Variants in AMOTL1 observed in about 807,000 individuals in gnomAD.
AMOTL1 encodes the protein angiomotin-like protein 1.
A neutral mutation model predicts 102.9 loss-of-function variants in AMOTL1; 45 were observed. That is an observed-to-expected ratio of 0.44 (90% CI 0.34 to 0.56). The LOEUF (loss-of-function observed/expected upper bound fraction) is 0.56, where lower values mean the gene tolerates loss of function less well. Among genes scored for constraint, AMOTL1 ranks in the 20% least tolerant of loss-of-function variants. The pLI, the probability that AMOTL1 is intolerant of heterozygous loss-of-function variation, is 0.01. For synonymous variants in AMOTL1, 481 were observed against 484.7 expected (o/e 0.99, Z 0.10); for missense variants, 1,114 against 1,225.6 (o/e 0.91, Z 1.36).
In AMOTL1 at chr11:94,864,842, G is replaced by A. The variant is rs1363998417; in HGVS notation, c.2243G>A (p.Cys748Tyr). 1.2e-6 allele frequency: 2 copies of A among 1,613,788 alleles called. No individual in the cohort carries two copies. Among genetic ancestry groups the A allele is most frequent in the Admixed American group, 1.7e-5 (1 of 60,018 alleles). The change falls in exon 10 of 13, where the codon TGT (cysteine) becomes TAT (tyrosine). Residue 748 changes from cysteine to tyrosine, a missense_variant. By Grantham distance (194) the Cys-to-Tyr change is radical (BLOSUM62 -2). Coordinates refer to ENST00000433060, the MANE Select transcript of AMOTL1 (RefSeq NM_130847.3). ...GAGGTGGTGCAGGCCAACAGAAGGT[G>A]TCAGGACATGGAATACACGTAAGGG... ...EEEVVQANRR[C>Y]QDMEYTIKNL...
intron 1 of AMOTL1, among the ~76,000 whole-genome samples, chr11:94,775,099 C>G (rs186805366): frequency 4.4e-4 from 67 of 152,278 alleles, no homozygotes; most frequent in African/African-American, 1.5e-3. Context: ...GCTTAAATGA[C>G]ATAGTGAATG....
chr11:94,743,490 C>CT (rs1950552805), intron 3 of AMOTL1, among the ~76,000 whole-genome samples: 1 of 152,058 alleles, frequency 6.6e-6, no homozygotes, highest in Non-Finnish European at 1.5e-5. Flanking sequence ...TGGTGCTTTT[C>CT]TTAGACACAC....
At chr11:94,729,743 T>A (rs1197040494) in intron 2 of AMOTL1, among the ~76,000 whole-genome samples, 1 of 152,204 alleles carries the variant, frequency 6.6e-6, no homozygotes, top group Non-Finnish European at 1.5e-5. Flanking sequence ...GTTAATGCAC[T>A]CACAGATGTT....
rs115385794 is a variant in AMOTL1, at chr11:94,801,707, C to T, written c.1121+1396C>T. Among the ~76,000 whole-genome samples, 462 of 152,068 alleles carry T rather than the reference C, an allele frequency of 3.0e-3. 1 individual carries two copies. The highest frequency in any genetic ancestry group is 0.011 in the African/African-American group (453 of 41,454). ...ACAGGGTTTAGGGATTGGTTAGATA[C>T]AGAAATTCTGGAATAGGGATGATGG... On this transcript the variant is annotated intron_variant, in intron 3 of 12. Transcript: ENST00000433060.
chr11:94,800,304 G>C lies in AMOTL1; in HGVS notation c.1114G>C (p.Val372Leu). ...GTACCAGCCACCCCCTGAGTATGGG[G>C]TAACGAGGTGATTATCAACTGCAGA... Reference protein sequence around the residue: ...LRYQPPPEYGVTSRPCQLPFP... With the variant: ...LRYQPPPEYGLTSRPCQLPFP... The change falls in exon 3 of 13, where the codon GTA (valine) becomes CTA (leucine). Residue 372 changes from valine (V) to leucine (L), a missense_variant. Transcript: ENST00000433060. 1 of 1,588,884 alleles carries C rather than the reference G, an allele frequency of 6.3e-7. No homozygotes were observed.
intron 8 of AMOTL1, among the ~76,000 whole-genome samples, 173 bp downstream of exon 8, chr11:94,854,255 G>A (rs903080117): frequency 1.7e-4 from 26 of 152,200 alleles, no homozygotes; most frequent in African/African-American, 6.3e-4. Context: ...CGAGCAGTCC[G>A]CTCACTGGAG....
intron 10 of AMOTL1, among the ~76,000 whole-genome samples, chr11:94,865,382 G>A (rs928008301): frequency 1.3e-5 from 2 of 152,168 alleles, no homozygotes; most frequent in Non-Finnish European, 2.9e-5. Context: ...GGGAGCCCTA[G>A]GCCTCTTATT....
At position 94,785,212 on chromosome 11, in the gene AMOTL1, A is replaced by G. The variant is rs558709216; in HGVS notation, c.50-9799A>G. On this transcript the variant is annotated intron_variant, in intron 1 of 12. Transcript: ENST00000433060. ...ATCCACAAGTTAAGAATATTTCATTACAACTCTCCTAATTTTAATCTAAGA... is the reference window on the plus strand; with the variant it reads ...ATCCACAAGTTAAGAATATTTCATTGCAACTCTCCTAATTTTAATCTAAGA... 3.3e-5 allele frequency among the ~76,000 whole-genome samples: 5 copies of G among 152,334 alleles called. No homozygotes were observed. The South Asian group carries it at 1.0e-3, about 32-fold the overall frequency.
chr11:94,849,131 C>T (rs1004073765), intron 6 of AMOTL1, among the ~76,000 whole-genome samples: 1 of 152,128 alleles, frequency 6.6e-6, no homozygotes, highest in South Asian at 2.1e-4. Context: ...AGTATGCATA[C>T]GGTTTTGTAA....
Position 94,792,214 on chromosome 11 carries a change from G to A in AMOTL1, c.50-2797G>A, listed in dbSNP as rs183711797. Among the ~76,000 whole-genome samples the A allele has an allele frequency of 3.0e-3, 464 of 152,212 alleles. 4 individuals are homozygous for A. The highest frequency in any genetic ancestry group is 0.01 in the African/African-American group (429 of 41,510). ...AAACCATCATTCTGAGCAAACTATC[G>A]CAAGGACAGGAAACCAAACACCACA... On this transcript the variant is annotated intron_variant, in intron 1 of 12. Transcript: ENST00000433060.
intron 6 of AMOTL1, among the ~76,000 whole-genome samples, chr11:94,832,362 T>C (rs1194231913): frequency 1.3e-5 from 2 of 152,244 alleles, no homozygotes; most frequent in African/African-American, 2.4e-5. Flanking sequence ...TGGGGTCTTC[T>C]GATGTGTGGG....
intron 2 of AMOTL1, among the ~76,000 whole-genome samples, chr11:94,734,516 A>G (rs2135465235): frequency 6.6e-6 from 1 of 152,344 alleles, no homozygotes; most frequent in Non-Finnish European, 1.5e-5. Flanking sequence ...ATGAAACCTT[A>G]CTGATAGGCA....
In AMOTL1 at chr11:94,864,807, AGAG is replaced by A. The variant is rs1565387423; in HGVS notation, c.2219_2221del (p.Glu740del). ...GCTCGCTGGAGGCCCACATCTGGCA[AGAG>A]GAGGAGGAGGTGGTGCAGGCCAACA... On this transcript the variant is annotated inframe_deletion, in exon 10 of 13. Transcript: ENST00000433060. 1.2e-6 allele frequency: 2 copies of A among 1,613,834 alleles called. No individual in the cohort carries two copies. Among genetic ancestry groups the A allele is most frequent in the Non-Finnish European group, 1.7e-6 (2 of 1,179,780 alleles).
intron 3 of AMOTL1, among the ~76,000 whole-genome samples, chr11:94,815,547 T>A (rs570640401): frequency 2.5e-4 from 38 of 152,224 alleles, no homozygotes; most frequent in African/African-American, 8.7e-4. Context: ...TAAAGTTACA[T>A]AATACGTATT....
chr11:94,841,968 C>T (rs1952311563), intron 6 of AMOTL1, among the ~76,000 whole-genome samples: 1 of 152,144 alleles, frequency 6.6e-6, no homozygotes, highest in African/African-American at 2.4e-5. Context: ...GCTTTAAACT[C>T]ACTGCGGGTT....
intron 6 of AMOTL1, among the ~76,000 whole-genome samples, chr11:94,834,192 T>A (rs1346018998): frequency 6.6e-6 from 1 of 152,208 alleles, no homozygotes; most frequent in African/African-American, 2.4e-5. Context: ...ACCTAGTGAT[T>A]ATAATTATAA....
At chr11:94,729,869 T>C (rs553461049) in intron 2 of AMOTL1, among the ~76,000 whole-genome samples, 1 of 152,154 alleles carries the variant, frequency 6.6e-6, no homozygotes, top group African/African-American at 2.4e-5. Flanking sequence ...AAGATAGACA[T>C]AGAGAACAAC....
At chr11:94,795,253 C>G in intron 2 of AMOTL1, 93 bp downstream of exon 2, 1 of 1,447,306 alleles carries the variant, frequency 6.9e-7, no homozygotes. Flanking sequence ...TGTTTATTCT[C>G]TAATCTTGTT....
intron 11 of AMOTL1, among the ~76,000 whole-genome samples, chr11:94,868,865 C>A (rs1407905248): frequency 6.6e-6 from 1 of 151,886 alleles, no homozygotes; most frequent in Non-Finnish European, 1.5e-5. Flanking sequence ...GTCCATACCA[C>A]CCTGTGAATA....
Sources: allele counts gnomAD v4.1 joint callset (sites outside exome capture counted in the v4.1 genomes callset), GRCh38; gene constraint gnomAD v4.1.1; transcripts MANE v1.5; gene names NCBI Gene and HGNC (gene_info 2026-07-23, HGNC 2026-07-21).